Variants in DIP2C observed in about 807,000 individuals in gnomAD.
DIP2C encodes DIP2 acetate--CoA ligase C (putative).
A neutral mutation model predicts 192.4 loss-of-function variants in DIP2C; 33 were observed. The ratio of observed to expected loss-of-function variants is 0.17; its 90% confidence interval spans 0.13 to 0.23. DIP2C has a LOEUF of 0.23. DIP2C is among the 10% of genes least tolerant of loss of function. The pLI is 1.00. For synonymous variants in DIP2C, 979 were observed against 864.1 expected (o/e 1.13, Z -2.33); for missense variants, 1,537 against 2,110.1 (o/e 0.73, Z 5.32).
chr10:589,285 G>T (rs909038277), intron 1 of DIP2C, among the ~76,000 whole-genome samples: 3 of 152,106 alleles, frequency 2.0e-5, no homozygotes, highest in African/African-American at 7.2e-5. Flanking sequence ...TGCAGAAAAT[G>T]TGTCTCTTCA....
intron 1 of DIP2C, among the ~76,000 whole-genome samples, chr10:548,131 C>G (rs1236547649): frequency 6.6e-6 from 1 of 151,866 alleles, no homozygotes; most frequent in African/African-American, 2.4e-5. Context: ...GTCCCCTGTC[C>G]CCACCTCTGC....
chr10:565,947 G>GTCACCCACTCTCCAGGA (rs1849444149), intron 1 of DIP2C, among the ~76,000 whole-genome samples: 1 of 152,140 alleles, frequency 6.6e-6, no homozygotes, highest in South Asian at 2.1e-4. Flanking sequence ...TCAGATCCAC[G>GTCACCCACTCTCCAGGA]TCACCCACTC....
chr10:452,950 AGG>A (rs1228933693), intron 3 of DIP2C, among the ~76,000 whole-genome samples: 1 of 152,196 alleles, frequency 6.6e-6, no homozygotes, highest in African/African-American at 2.4e-5. Flanking sequence ...AGTGCGAGGA[AGG>A]GGGCAGTGTT....
chr10:501,355 T>C (rs1034623564), intron 1 of DIP2C, among the ~76,000 whole-genome samples: 1 of 152,224 alleles, frequency 6.6e-6, no homozygotes, highest in African/African-American at 2.4e-5. Context: ...TAAAGTAGAA[T>C]GTATGCAGTC....
intron 17 of DIP2C, among the ~76,000 whole-genome samples, chr10:379,820 A>G (rs538006504): frequency 8.5e-4 from 129 of 152,372 alleles, no homozygotes; most frequent in African/African-American, 2.7e-3. Flanking sequence ...CTTTGATACC[A>G]GGAGCAGGGG....
intron 31 of DIP2C, among the ~76,000 whole-genome samples, chr10:323,745 A>T (rs1957134233): frequency 6.6e-6 from 1 of 152,206 alleles, no homozygotes; most frequent in Non-Finnish European, 1.5e-5. Context: ...AAGAAAAATA[A>T]ATTCAATGTA....
intron 1 of DIP2C, among the ~76,000 whole-genome samples, chr10:536,749 G>A (rs546965095): frequency 1.9e-4 from 29 of 152,298 alleles, no homozygotes; most frequent in African/African-American, 3.4e-4. Context: ...GCTATGACTC[G>A]GTTTTAACTG....
At chr10:534,671 ATTTTT>A (rs398045806) in intron 1 of DIP2C, among the ~76,000 whole-genome samples, 1 of 101,822 alleles carries the variant, frequency 9.8e-6, no homozygotes, top group Non-Finnish European at 2.5e-5. Flanking sequence ...GATGATTATT[ATTTTT>A]TTTTTTTTTT....
At chr10:335,685 T>C (rs1957727672) in intron 29 of DIP2C, among the ~76,000 whole-genome samples, 1 of 152,204 alleles carries the variant, frequency 6.6e-6, no homozygotes, top group Non-Finnish European at 1.5e-5. Flanking sequence ...GCGGCTCTCT[T>C]CATCCCACCC....
intron 26 of DIP2C, among the ~76,000 whole-genome samples, chr10:348,249 T>G (rs1269744488): frequency 6.6e-6 from 1 of 152,180 alleles, no homozygotes; most frequent in African/African-American, 2.4e-5. Flanking sequence ...GGAAAACAGA[T>G]CTATACTTTC....
intron 10 of DIP2C, among the ~76,000 whole-genome samples, chr10:395,098 GGGGGGAGGGAGGAGTT>G (rs1318469399): frequency 1.1e-3 from 134 of 116,976 alleles, no homozygotes; most frequent in Middle Eastern, 4.2e-3. Flanking sequence ...ACGAGGGCTG[GGGGGGAGGGAGGAGTT>G]GGGGGGAGGG....
At chr10:523,587 A>G (rs113439799) in intron 1 of DIP2C, among the ~76,000 whole-genome samples, 19 of 116,796 alleles carry the variant, frequency 1.6e-4, no homozygotes, top group African/African-American at 4.6e-4. Flanking sequence ...TCGTTTCCAC[A>G]TGACACAAAG....
intron 1 of DIP2C, among the ~76,000 whole-genome samples, chr10:513,210 CG>C (rs1283122416): frequency 6.6e-6 from 1 of 151,988 alleles, no homozygotes; most frequent in Non-Finnish European, 1.5e-5. Flanking sequence ...CATGTTTAGT[CG>C]TTCATGTTAG....
intron 1 of DIP2C, among the ~76,000 whole-genome samples, chr10:512,633 TG>T (rs1846088575): frequency 6.6e-6 from 1 of 151,256 alleles, no homozygotes; most frequent in Non-Finnish European, 1.5e-5. Context: ...AGAAAGGAGC[TG>T]GCCGGGCAGT....
At chr10:278,706 C>A (rs1564496449) in intron 36 of DIP2C, among the ~76,000 whole-genome samples, 1 of 152,222 alleles carries the variant, frequency 6.6e-6, no homozygotes, top group Non-Finnish European at 1.5e-5. Flanking sequence ...GGGATCGAGT[C>A]ATCTTTCAGC....
chr10:471,456 A>G (rs1282242563), intron 3 of DIP2C, among the ~76,000 whole-genome samples: 2 of 152,188 alleles, frequency 1.3e-5, no homozygotes, highest in African/African-American at 4.8e-5. Flanking sequence ...ACACCAGGTG[A>G]GTTCCGTCAT....
At position 689,416 on chromosome 10, in the gene DIP2C, G is replaced by C. The variant is rs1831463072; in HGVS notation, c.85+78C>G. On this transcript the variant is annotated intron_variant, in intron 1 of 36. Coordinates refer to ENST00000280886, the MANE Select transcript of DIP2C (RefSeq NM_014974.3). The surrounding 1 kb of genome is among the most constrained non-coding windows in gnomAD (Gnocchi z 6.1). ...CGGGCCCGGCCCCCGCCCCGCCGCA[G>C]GCCCCGCGCCCCCAGCCCTCCGCGC... 1.1e-6 allele frequency: 1 copy of C among 869,952 alleles called. No individual in the cohort carries two copies. Among genetic ancestry groups the C allele is most frequent in the Non-Finnish European group, 1.4e-6 (1 of 720,472 alleles). The allele number at this position is 869,952 out of a possible 1,614,324, so 53.9% of individuals were successfully genotyped here. A position where few individuals can be genotyped will look rare whatever the true frequency, so the allele number is the denominator to read the frequency against.
At chr10:502,329 A>G (rs1204137883) in intron 1 of DIP2C, among the ~76,000 whole-genome samples, 1 of 152,212 alleles carries the variant, frequency 6.6e-6, no homozygotes, top group Non-Finnish European at 1.5e-5. Context: ...ACTAAATAAA[A>G]CCACCATGAG....
At chr10:596,954 G>T (rs1303510349) in intron 1 of DIP2C, among the ~76,000 whole-genome samples, 1 of 152,262 alleles carries the variant, frequency 6.6e-6, no homozygotes, top group Admixed American at 6.5e-5. Context: ...CATTGGTTTT[G>T]TGTATCGACC....
Sources: allele counts gnomAD v4.1 joint callset (sites outside exome capture counted in the v4.1 genomes callset), GRCh38; gene constraint gnomAD v4.1.1; non-coding constraint Gnocchi (gnomAD v3.1); transcripts MANE v1.5; gene names NCBI Gene and HGNC (gene_info 2026-07-23, HGNC 2026-07-21).